Variants in S100Z observed in about 807,000 individuals in gnomAD.
S100Z encodes S100 calcium binding protein Z.
Under a neutral mutation model 8.5 loss-of-function variants are expected in S100Z, and 11 were observed. That is an observed-to-expected ratio of 1.30 (90% confidence interval 0.82 to 2.15). The LOEUF is 2.15. S100Z is among the 30% of genes most tolerant of loss of function. The pLI is 0.00. For synonymous variants in S100Z, 34 were observed against 43.8 expected, an observed-to-expected ratio of 0.78 and a Z score of 0.89; for missense variants, 126 against 117.9, an observed-to-expected ratio of 1.07 and a Z score of -0.32.
chr5:76,911,524 C>T (rs548728358), intron 4 of S100Z, among the ~76,000 whole-genome samples: 2 of 152,182 alleles, frequency 1.3e-5, no homozygotes, highest in South Asian at 2.1e-4. Context: ...TTATGTGGAC[C>T]GTCTTGCCCC....
chr5:76,895,308 A>G (rs1254441525), intron 4 of S100Z, among the ~76,000 whole-genome samples: 1 of 152,178 alleles, frequency 6.6e-6, no homozygotes, highest in Non-Finnish European at 1.5e-5. Flanking sequence ...AAAGAGAGCA[A>G]CTTATAATAT....
At chr5:76,917,909 G>A (rs1744904122) in intron 4 of S100Z, among the ~76,000 whole-genome samples, 1 of 151,662 alleles carries the variant, frequency 6.6e-6, no homozygotes, top group Admixed American at 6.6e-5. Context: ...CAAAGTGCCA[G>A]TTTCCTGTAG....
intron 2 of S100Z, 58 bp from the exon 3 acceptor site, chr5:76,875,246 G>T: frequency 1.1e-6 from 1 of 949,978 alleles, no homozygotes; most frequent in Non-Finnish European, 1.5e-6. Flanking sequence ...TCGGGGGATT[G>T]TAATATTCTG....
At chr5:76,905,825 A>G (rs1044650687) in intron 4 of S100Z, among the ~76,000 whole-genome samples, 1 of 152,152 alleles carries the variant, frequency 6.6e-6, no homozygotes, top group Non-Finnish European at 1.5e-5. Flanking sequence ...CTTTACAAAT[A>G]ATAACTTTTT....
intron 4 of S100Z, among the ~76,000 whole-genome samples, chr5:76,901,128 A>G (rs1744213035): frequency 6.6e-6 from 1 of 152,214 alleles, no homozygotes; most frequent in Non-Finnish European, 1.5e-5. Flanking sequence ...GTAGAGTGAC[A>G]CAAGCACTCC....
chr5:76,908,519 G>A (rs12658001), intron 4 of S100Z, among the ~76,000 whole-genome samples: 2,159 of 152,252 alleles, frequency 0.014, 58 homozygotes, highest in East Asian at 0.11. Context: ...ATAAACTTCA[G>A]GACTCTGTTA....
At chr5:76,933,175 G>A in the S100Z span, among the ~76,000 whole-genome samples, 1 of 152,192 alleles carries the variant, frequency 6.6e-6, no homozygotes, top group Non-Finnish European at 1.5e-5. Context: ...CAGGTGGTGG[G>A]GGATTGAGAG....
At chr5:76,948,353 CT>C in the S100Z span, among the ~76,000 whole-genome samples, 1 of 68,178 alleles carries the variant, frequency 1.5e-5, no homozygotes, top group African/African-American at 4.9e-5. Context: ...AAATAAATGC[CT>C]TCTGCACAGC....
rs1814970 is a variant in S100Z, at chr5:76,891,023, G to T, written c.*2+13189G>T. Reference sequence around the variant, plus strand: ...ATTACAGGCATGCACCACCACGCCTGGCTAATTTTTGTATTTTTAGTAGAG... The same window carrying T: ...ATTACAGGCATGCACCACCACGCCTTGCTAATTTTTGTATTTTTAGTAGAG... On this transcript the variant is annotated intron_variant, in intron 4 of 4. Coordinates refer to ENST00000317593, the MANE Select transcript of S100Z (RefSeq NM_130772.4). Among the ~76,000 whole-genome samples the T allele has an allele frequency of 1.6e-3, 239 of 152,162 alleles. 4 individuals carry two copies. The highest frequency in any genetic ancestry group is 0.012 in the Admixed American group (190 of 15,276).
downstream of S100Z, among the ~76,000 whole-genome samples, chr5:76,924,563 TA>T (rs758938016): frequency 2.4e-4 from 36 of 152,166 alleles, no homozygotes; most frequent in Admixed American, 1.3e-4. Flanking sequence ...GCAGTAGTAT[TA>T]GTTCCCTGCT....
intron 4 of S100Z, 94 bp downstream of exon 4, chr5:76,877,928 C>T: frequency 1.4e-6 from 1 of 725,738 alleles, no homozygotes; most frequent in Non-Finnish European, 2.3e-6. Flanking sequence ...CCAGTAATGT[C>T]ATTTATAGCT....
intron 4 of S100Z, among the ~76,000 whole-genome samples, chr5:76,900,813 T>G (rs903314649): frequency 6.6e-6 from 1 of 152,166 alleles, no homozygotes; most frequent in African/African-American, 2.4e-5. Context: ...GTCTGAGCAT[T>G]GAGGATTAGG....
At chr5:76,884,599 G>C (rs934965375) in intron 4 of S100Z, among the ~76,000 whole-genome samples, 4 of 152,236 alleles carry the variant, frequency 2.6e-5, no homozygotes, top group African/African-American at 4.8e-5. Flanking sequence ...TTTGGGAAAG[G>C]TCTGATAGAG....
At chr5:76,923,658 G>C (rs1328923045), downstream of S100Z, among the ~76,000 whole-genome samples, 2 of 152,116 alleles carry the variant, frequency 1.3e-5, no homozygotes, top group African/African-American at 4.8e-5. Flanking sequence ...AGATGGGAGA[G>C]GTTTCCTCAT....
chr5:76,854,172 A>G (rs1177777067), intron 1 of S100Z, among the ~76,000 whole-genome samples: 1 of 152,196 alleles, frequency 6.6e-6, no homozygotes, highest in Non-Finnish European at 1.5e-5. Flanking sequence ...TAGTATGAGA[A>G]TGGACTAATA....
chr5:76,863,562 A>G lies in S100Z; in HGVS notation c.-175-6604A>G, dbSNP rs528989013. 1.4e-3 allele frequency among the ~76,000 whole-genome samples: 210 copies of G among 152,124 alleles called. 5 individuals carry two copies. In the East Asian group the frequency reaches 0.016, roughly 12 times the overall value. ...TTTTATTTTATTTATTTTTTGAGGC[A>G]GAGTCTCACTCTGTTGCCCAGGCTG... On this transcript the variant is annotated intron_variant, in intron 1 of 4. Coordinates refer to ENST00000317593, the MANE Select transcript of S100Z (RefSeq NM_130772.4).
intron 4 of S100Z, among the ~76,000 whole-genome samples, chr5:76,919,068 C>T (rs1226650553): frequency 1.3e-5 from 2 of 152,204 alleles, no homozygotes; most frequent in Non-Finnish European, 1.5e-5. Flanking sequence ...GGATATTCCA[C>T]AGTTCATTTA....
chr5:76,887,737 T>C (rs1471188023), intron 4 of S100Z, among the ~76,000 whole-genome samples: 1 of 152,146 alleles, frequency 6.6e-6, no homozygotes, highest in Non-Finnish European at 1.5e-5. Flanking sequence ...AGTTGCTCAA[T>C]AAATCTATGC....
At chr5:76,935,511 A>C in the S100Z span, among the ~76,000 whole-genome samples, 1 of 152,282 alleles carries the variant, frequency 6.6e-6, no homozygotes, top group Middle Eastern at 3.4e-3. Context: ...GTCTGGCCTC[A>C]TGTTTCTATT....
Sources: gnomAD v4.1 joint callset for allele counts (sites outside exome capture counted in the v4.1 genomes callset) on GRCh38, gnomAD v4.1.1 for gene constraint, MANE v1.5 for transcripts, NCBI Gene and HGNC (gene_info 2026-07-23, HGNC 2026-07-21) for gene names.